EXOC6B: variants seen among roughly 807,000 people sequenced by gnomAD.
EXOC6B encodes the protein exocyst complex component 6B.
In EXOC6B, 54 loss-of-function variants were observed where a neutral mutation model predicts 113.5. That is an observed-to-expected ratio of 0.48 (90% CI 0.38 to 0.60). EXOC6B has a LOEUF of 0.60. Ranked by LOEUF, EXOC6B falls within the 20% of genes least tolerant of loss-of-function variation. The pLI, the probability that EXOC6B is intolerant of heterozygous loss-of-function variation, is 0.00. For synonymous variants in EXOC6B, 357 were observed against 339.0 expected, an observed-to-expected ratio of 1.05 and a Z score of -0.58; for missense variants, 797 against 977.5, an observed-to-expected ratio of 0.82 and a Z score of 2.46.
chr2:72,353,910 C>T (rs1689819092), intron 19 of EXOC6B, among the ~76,000 whole-genome samples: 1 of 151,826 alleles, frequency 6.6e-6, no homozygotes, highest in Non-Finnish European at 1.5e-5. Context: ...TAAGGTGTAG[C>T]TCTCAAAGTT....
chr2:72,731,909 G>A (rs1474831451), intron 3 of EXOC6B, among the ~76,000 whole-genome samples: 4 of 152,170 alleles, frequency 2.6e-5, no homozygotes, highest in Non-Finnish European at 5.9e-5. Flanking sequence ...AAAGAAGCAT[G>A]ATAACAGAGA....
At chr2:72,330,026 C>T (rs962824095) in intron 20 of EXOC6B, among the ~76,000 whole-genome samples, 7 of 152,038 alleles carry the variant, frequency 4.6e-5, no homozygotes, top group African/African-American at 1.4e-4. Flanking sequence ...GTATGAGAGT[C>T]GTTGCCAGCA....
At position 72,300,163 on chromosome 2, in the gene EXOC6B, G is replaced by C. The variant is rs1686418511; in HGVS notation, c.2196+34784C>G. ...AGGTGCTCAGTCCCAGGGAGATGGG[G>C]GTTTCATCTATAAGTCTCTGACTGG... On this transcript the variant is annotated intron_variant, in intron 20 of 21. Coordinates refer to ENST00000272427, the MANE Select transcript of EXOC6B (RefSeq NM_015189.3). Among the ~76,000 whole-genome samples, 5 of 152,146 alleles carry C rather than the reference G, an allele frequency of 3.3e-5. No homozygotes were observed. In the South Asian group the frequency reaches 8.3e-4, roughly 25 times the overall value.
intron 18 of EXOC6B, among the ~76,000 whole-genome samples, chr2:72,443,083 T>C (rs1282732740): frequency 6.6e-6 from 1 of 151,446 alleles, no homozygotes; most frequent in African/African-American, 2.4e-5. Context: ...TCCCAGCACT[T>C]TGGGAGGCTG....
chr2:72,378,238 T>G (rs1453680331), intron 19 of EXOC6B, among the ~76,000 whole-genome samples: 1 of 152,206 alleles, frequency 6.6e-6, no homozygotes, highest in Admixed American at 6.5e-5. Flanking sequence ...GTCTCTCCAG[T>G]GCTGATTAAT....
chr2:72,508,552 A>G (rs1209984266), intron 11 of EXOC6B, among the ~76,000 whole-genome samples: 1 of 152,176 alleles, frequency 6.6e-6, no homozygotes. Flanking sequence ...TAGGCGAATC[A>G]CCTGAGGCCA....
At chr2:72,375,717 C>A (rs980278117) in intron 19 of EXOC6B, among the ~76,000 whole-genome samples, 1 of 151,796 alleles carries the variant, frequency 6.6e-6, no homozygotes, top group Non-Finnish European at 1.5e-5. Flanking sequence ...AGAAGATAAT[C>A]TCAAATAAAT....
At chr2:72,279,868 G>T (rs150310861) in intron 20 of EXOC6B, among the ~76,000 whole-genome samples, 1 of 151,512 alleles carries the variant, frequency 6.6e-6, no homozygotes, top group Non-Finnish European at 1.5e-5. Flanking sequence ...TCTCGAATTC[G>T]TGAGCTCAAG....
chr2:72,315,641 A>G (rs925472055), intron 20 of EXOC6B, among the ~76,000 whole-genome samples: 1 of 152,126 alleles, frequency 6.6e-6, no homozygotes, highest in African/African-American at 2.4e-5. Flanking sequence ...TTAAAGAGGG[A>G]GAAAACATAA....
intron 18 of EXOC6B, among the ~76,000 whole-genome samples, chr2:72,394,042 G>C (rs1692564139): frequency 6.6e-6 from 1 of 152,052 alleles, no homozygotes; most frequent in Non-Finnish European, 1.5e-5. Flanking sequence ...CTGCCAAACA[G>C]AATTATTATA....
chr2:72,486,009 A>G (rs1699402831), intron 16 of EXOC6B, among the ~76,000 whole-genome samples: 1 of 152,230 alleles, frequency 6.6e-6, no homozygotes, highest in Non-Finnish European at 1.5e-5. Flanking sequence ...AATATAACCA[A>G]TTCTTTAGAA....
chr2:72,427,743 G>A (rs1440570645), intron 18 of EXOC6B, among the ~76,000 whole-genome samples: 1 of 152,190 alleles, frequency 6.6e-6, no homozygotes, highest in Non-Finnish European at 1.5e-5. Context: ...GGACCCTGGT[G>A]AGGCTGTACC....
At chr2:72,208,079 T>C (rs1256172864) in intron 20 of EXOC6B, among the ~76,000 whole-genome samples, 1 of 152,106 alleles carries the variant, frequency 6.6e-6, no homozygotes, top group Non-Finnish European at 1.5e-5. Flanking sequence ...TTCATCTTTT[T>C]AAAAAAAATT....
intron 7 of EXOC6B, among the ~76,000 whole-genome samples, chr2:72,574,738 G>C (rs1169413848): frequency 6.6e-6 from 1 of 152,144 alleles, no homozygotes; most frequent in African/African-American, 2.4e-5. Flanking sequence ...AGACTCTAAA[G>C]CTCATGCTCC....
At chr2:72,698,167 G>C (rs1447451681) in intron 6 of EXOC6B, among the ~76,000 whole-genome samples, 1 of 152,108 alleles carries the variant, frequency 6.6e-6, no homozygotes, top group African/African-American at 2.4e-5. Flanking sequence ...GGAGGAGAAA[G>C]AGGAATTAAC....
chr2:72,336,031 T>TAC (rs768584293), intron 19 of EXOC6B, among the ~76,000 whole-genome samples: 3 of 150,814 alleles, frequency 2.0e-5, no homozygotes, highest in Admixed American at 6.6e-5. Flanking sequence ...CACACACACA[T>TAC]ACACACACAC....
chr2:72,527,870 T>A (rs1390632381), intron 8 of EXOC6B, among the ~76,000 whole-genome samples: 1 of 151,970 alleles, frequency 6.6e-6, no homozygotes, highest in Non-Finnish European at 1.5e-5. Flanking sequence ...CCTACTTGCA[T>A]TGTTTCTTTT....
chr2:72,540,144 C>T (rs1209754241), intron 8 of EXOC6B, among the ~76,000 whole-genome samples: 1 of 151,858 alleles, frequency 6.6e-6, no homozygotes, highest in Non-Finnish European at 1.5e-5. Flanking sequence ...TTTATGGCTG[C>T]ATAGTATTCC....
chr2:72,757,758 C>T (rs1270271412), intron 1 of EXOC6B, among the ~76,000 whole-genome samples: 1 of 152,094 alleles, frequency 6.6e-6, no homozygotes, highest in African/African-American at 2.4e-5. Context: ...GGATCGATCC[C>T]TCACAAACCC....
Sources: gnomAD v4.1 joint callset for allele counts (sites outside exome capture counted in the v4.1 genomes callset) on GRCh38, gnomAD v4.1.1 for gene constraint, MANE v1.5 for transcripts, NCBI Gene and HGNC (gene_info 2026-07-23, HGNC 2026-07-21) for gene names.